COBL: variants seen among roughly 807,000 people sequenced by gnomAD.
The protein encoded by COBL is protein cordon-bleu.
COBL carries 51 observed loss-of-function variants against 98.8 expected under a neutral mutation model. The ratio of observed to expected loss-of-function variants is 0.52; its 90% confidence interval spans 0.41 to 0.65. The LOEUF (loss-of-function observed/expected upper bound fraction) is 0.65. Among genes scored for constraint, COBL ranks in the 30% least tolerant of loss-of-function variants. The pLI is 0.00. For missense variants in COBL, 1,617 were observed against 1,617.5 expected (o/e 1.00, Z 0.01); for synonymous variants, 634 against 651.7 (o/e 0.97, Z 0.41).
chr7:51,217,339 TC>T (rs1256481894), intron 2 of COBL, among the ~76,000 whole-genome samples: 1 of 147,600 alleles, frequency 6.8e-6, no homozygotes, highest in Non-Finnish European at 1.5e-5. Context: ...CTTTTCTTTT[TC>T]TTTTTTTTTT....
At chr7:51,060,772 T>C (rs1371422795) in intron 7 of COBL, among the ~76,000 whole-genome samples, 1 of 152,156 alleles carries the variant, frequency 6.6e-6, no homozygotes, top group Non-Finnish European at 1.5e-5. Flanking sequence ...GGCACAACAA[T>C]GATTCCACCG....
intron 6 of COBL, among the ~76,000 whole-genome samples, chr7:51,109,420 T>C (rs1214144052): frequency 6.6e-6 from 1 of 152,194 alleles, no homozygotes; most frequent in Non-Finnish European, 1.5e-5. Context: ...AAGGTTGGAT[T>C]CTTTGCCACT....
chr7:51,237,482 C>T (rs1319355438), intron 1 of COBL, among the ~76,000 whole-genome samples: 1 of 145,866 alleles, frequency 6.9e-6, no homozygotes, highest in Admixed American at 7.0e-5. Flanking sequence ...TTTACTTTTA[C>T]GGTTTGCCGA....
intron 7 of COBL, among the ~76,000 whole-genome samples, chr7:51,063,571 G>A (rs1477085178): frequency 2.0e-5 from 3 of 152,342 alleles, no homozygotes; most frequent in Non-Finnish European, 4.4e-5. Context: ...CATCTACAGA[G>A]GTCTGCAGAC....
intron 2 of COBL, among the ~76,000 whole-genome samples, chr7:51,204,708 G>A (rs1011417882): frequency 2.9e-4 from 44 of 151,818 alleles, no homozygotes; most frequent in African/African-American, 9.7e-4. Flanking sequence ...GCACCACCAC[G>A]CCCAGCTAAT....
At chr7:51,201,084 C>A (rs1240361425) in intron 2 of COBL, among the ~76,000 whole-genome samples, 1 of 151,542 alleles carries the variant, frequency 6.6e-6, no homozygotes, top group African/African-American at 2.4e-5. Flanking sequence ...ACTAAAAATA[C>A]CAAAAATTAG....
chr7:51,308,150 A>G (rs1352086569), intron 1 of COBL, among the ~76,000 whole-genome samples: 1 of 152,186 alleles, frequency 6.6e-6, no homozygotes, highest in Non-Finnish European at 1.5e-5. Context: ...CTCCAGCCTA[A>G]CAGTTTGTGC....
At chr7:51,019,991 G>T (rs1786764863) in intron 12 of COBL, among the ~76,000 whole-genome samples, 1 of 152,142 alleles carries the variant, frequency 6.6e-6, no homozygotes, top group Non-Finnish European at 1.5e-5. Flanking sequence ...TTCTTACAAG[G>T]TCTGTGGTCA....
In COBL at chr7:51,105,374, A is replaced by T. The variant is rs372026930; in HGVS notation, c.958-20070T>A. Among the ~76,000 whole-genome samples, 40 of 152,282 alleles carry T rather than the reference A, an allele frequency of 2.6e-4. No homozygotes were observed. In the East Asian group the frequency reaches 7.3e-3, roughly 28 times the overall value. ...ACCACCTGCTGCGCGAACTTGCTCA[A>T]ATACCAAACCTCTCTGTGCCTTGGT... On this transcript the variant is annotated intron_variant, in intron 6 of 12. Transcript: ENST00000265136.
chr7:51,052,572 A>G (rs1790347979), intron 7 of COBL, among the ~76,000 whole-genome samples: 1 of 152,188 alleles, frequency 6.6e-6, no homozygotes, highest in Admixed American at 6.5e-5. Flanking sequence ...CTGGTGTCTT[A>G]GTTTTCATTG....
chr7:51,260,031 C>T lies in COBL; in HGVS notation c.42-40087G>A, dbSNP rs913411184. Reference sequence around the variant, plus strand: ...ATGATTCCAGTCGTTTAACTTGAGCCCTTTTCCTTTCCTCTGCTCCTTCTT... The same window carrying T: ...ATGATTCCAGTCGTTTAACTTGAGCTCTTTTCCTTTCCTCTGCTCCTTCTT... On this transcript the variant is annotated intron_variant, in intron 1 of 12. Transcript: ENST00000265136. 1.2e-5 allele frequency: 10 copies of T among 811,054 alleles called. No homozygotes were observed. In the African/African-American group the frequency reaches 1.7e-4, roughly 14 times the overall value. The allele number at this position is 811,054 out of a possible 1,614,324, so 50.2% of individuals were successfully genotyped here. A position where few individuals can be genotyped will look rare whatever the true frequency, so the allele number is the denominator to read the frequency against.
intron 4 of COBL, among the ~76,000 whole-genome samples, chr7:51,190,481 G>C (rs879663460): frequency 1.3e-5 from 2 of 152,174 alleles, no homozygotes; most frequent in African/African-American, 2.4e-5. Flanking sequence ...CTCTCAAAGT[G>C]CCAGGATTAC....
chr7:51,264,482 T>A (rs1212809595), intron 1 of COBL, among the ~76,000 whole-genome samples: 1 of 151,276 alleles, frequency 6.6e-6, no homozygotes, highest in African/African-American at 2.4e-5. Context: ...ACCAGCCTGG[T>A]CAACATGGCA....
At chr7:51,052,269 C>T (rs1161348236) in intron 7 of COBL, among the ~76,000 whole-genome samples, 1 of 152,184 alleles carries the variant, frequency 6.6e-6, no homozygotes, top group Non-Finnish European at 1.5e-5. Context: ...AGGGCAAGTT[C>T]ATTCAAACCT....
At chr7:51,022,987 A>G (rs1787097295) in intron 12 of COBL, 1 of 152,190 alleles carries the variant, frequency 6.6e-6, no homozygotes, top group African/African-American at 2.4e-5. Flanking sequence ...ACAGCTTTAG[A>G]ATCTCAGAAA....
At chr7:51,018,459 A>C (rs1382235601) in intron 12 of COBL, 1 of 152,258 alleles carries the variant, frequency 6.6e-6, no homozygotes, top group Non-Finnish European at 1.5e-5. Flanking sequence ...ATGCTCCTCC[A>C]TATCCCTCTC....
chr7:51,140,160 A>G (rs1799602395), intron 5 of COBL, among the ~76,000 whole-genome samples: 1 of 152,214 alleles, frequency 6.6e-6, no homozygotes, highest in Non-Finnish European at 1.5e-5. Flanking sequence ...TGAATAACAG[A>G]AAAGAAAACT....
In COBL at chr7:51,219,874, T is replaced by C; in HGVS notation, c.112A>G (p.Lys38Glu). ...AATLHVHSDQKPPHDGALGSQ... is the reference protein window; with the variant it reads ...AATLHVHSDQEPPHDGALGSQ... The stretch of plus-strand genomic sequence containing the variant: ...CCGAGGGCCCCATCGTGGGGGGGCT[T>C]CTGGTCACTGTGCACATGCAGAGTG... Residue 38 changes from lysine (K) to glutamate (E), a missense_variant, in exon 2 of 13, where the codon AAG becomes GAG. Around this residue, in one of 3 missense-constraint regions of COBL, gnomAD observed 238 missense variants for 215.0 expected, o/e 1.11. Transcript: ENST00000265136. 2 of 1,613,350 alleles carry C rather than the reference T, an allele frequency of 1.2e-6. No homozygotes were observed. Among genetic ancestry groups the C allele is most frequent in the African/African-American group, 1.3e-5 (1 of 74,996 alleles).
chr7:51,187,283 T>C (rs1321582367), intron 4 of COBL, among the ~76,000 whole-genome samples: 1 of 149,210 alleles, frequency 6.7e-6, no homozygotes, highest in Non-Finnish European at 1.5e-5. Context: ...ATTCTACATA[T>C]GTATATACAT....
Sources: allele counts gnomAD v4.1 joint callset (sites outside exome capture counted in the v4.1 genomes callset), GRCh38; gene constraint gnomAD v4.1.1; regional missense constraint gnomAD v4.1.1; transcripts MANE v1.5; gene names NCBI Gene and HGNC (gene_info 2026-07-23, HGNC 2026-07-21).